CC2D2B: variants seen among roughly 807,000 people sequenced by gnomAD.
CC2D2B encodes protein CC2D2B.
A neutral mutation model predicts 161.2 loss-of-function variants in CC2D2B; 128 were observed. The ratio of observed to expected loss-of-function variants is 0.79; its 90% CI spans 0.69 to 0.92. The LOEUF is 0.92. Ranked by LOEUF, CC2D2B falls within the 40% of genes least tolerant of loss-of-function variation. The pLI is 0.00. For missense variants in CC2D2B, 1,173 were observed against 1,375.1 expected (o/e 0.85, Z 2.32); for synonymous variants, 391 against 449.8 (o/e 0.87, Z 1.65).
At chr10:95,982,682 T>C (rs1413737019) in intron 18 of CC2D2B, among the ~76,000 whole-genome samples, 1 of 152,220 alleles carries the variant, frequency 6.6e-6, no homozygotes, top group African/African-American at 2.4e-5. Context: ...TGCTTTCCTG[T>C]TAACCTTTCT....
At chr10:95,994,277 T>G (rs953257359) in intron 22 of CC2D2B, among the ~76,000 whole-genome samples, 9 of 151,878 alleles carry the variant, frequency 5.9e-5, no homozygotes, top group Non-Finnish European at 8.8e-5. Flanking sequence ...CCCTTCCCTT[T>G]TAGGTAGCCA....
intron 33 of CC2D2B, among the ~76,000 whole-genome samples, chr10:96,025,162 T>TATATATATAAAAAAA (rs2079652657): frequency 4.2e-4 from 3 of 7,106 alleles, no homozygotes; most frequent in South Asian, 4.0e-3. Context: ...AAAATATATA[T>TATATATATAAAAAAA]ATATATATAT....
At chr10:95,930,130 C>G (rs1178864847) in intron 6 of CC2D2B, among the ~76,000 whole-genome samples, 1 of 152,036 alleles carries the variant, frequency 6.6e-6, no homozygotes, top group African/African-American at 2.4e-5. Context: ...AAGTTGTATT[C>G]CTAGGTATTT....
chr10:95,980,098 AT>A (rs2077456257), intron 17 of CC2D2B, among the ~76,000 whole-genome samples: 1 of 151,472 alleles, frequency 6.6e-6, no homozygotes, highest in Non-Finnish European at 1.5e-5. Flanking sequence ...AGAGTTTCCC[AT>A]GCCTTTTATA....
intron 11 of CC2D2B, among the ~76,000 whole-genome samples, chr10:95,957,299 C>T (rs1157642282): frequency 6.6e-6 from 1 of 152,082 alleles, no homozygotes; most frequent in East Asian, 1.9e-4. Context: ...TGTTGCAAGC[C>T]CCTCTATCTC....
chr10:95,946,122 C>CT (rs1213397974), intron 9 of CC2D2B, among the ~76,000 whole-genome samples: 2 of 152,132 alleles, frequency 1.3e-5, no homozygotes. Context: ...TTGTTAAAGT[C>CT]TGTCTCCAGG....
intron 1 of CC2D2B, among the ~76,000 whole-genome samples, chr10:95,908,433 A>G (rs548364301): frequency 6.6e-6 from 1 of 152,368 alleles, no homozygotes; most frequent in African/African-American, 2.4e-5. Flanking sequence ...ATGAACTACA[A>G]ATGCTGTTGG....
At chr10:95,995,790 C>G (rs910183808) in intron 23 of CC2D2B, among the ~76,000 whole-genome samples, 1 of 152,224 alleles carries the variant, frequency 6.6e-6, no homozygotes, top group Non-Finnish European at 1.5e-5. Flanking sequence ...CCATGATGCT[C>G]TCCTTATTGT....
intron 28 of CC2D2B, among the ~76,000 whole-genome samples, 156 bp downstream of exon 28, chr10:96,012,885 CTT>C (rs955567754): frequency 1.6e-4 from 24 of 152,170 alleles, no homozygotes; most frequent in Admixed American, 1.4e-3. Flanking sequence ...TAGCTGGACT[CTT>C]TAAGCTAAAA....
intron 10 of CC2D2B, among the ~76,000 whole-genome samples, chr10:95,953,008 G>C (rs1039946805): frequency 6.6e-6 from 1 of 152,096 alleles, no homozygotes; most frequent in African/African-American, 2.4e-5. Flanking sequence ...AGGCAGGACA[G>C]AGCCCACTTC....
intron 17 of CC2D2B, among the ~76,000 whole-genome samples, chr10:95,974,912 T>C (rs1199261455): frequency 6.6e-6 from 1 of 152,212 alleles, no homozygotes; most frequent in East Asian, 1.9e-4. Flanking sequence ...AACATTATAA[T>C]GGTGGATACA....
chr10:95,957,898 A>G (rs1451539106), intron 11 of CC2D2B, among the ~76,000 whole-genome samples: 1 of 151,770 alleles, frequency 6.6e-6, no homozygotes, highest in East Asian at 1.9e-4. Flanking sequence ...AACAAAAAAC[A>G]GAAAGCCCTG....
intron 1 of CC2D2B, among the ~76,000 whole-genome samples, chr10:95,908,505 A>G (rs2098500104): frequency 6.6e-6 from 1 of 152,230 alleles, no homozygotes; most frequent in South Asian, 2.1e-4. Context: ...TCAGCCTTAG[A>G]AACACGGAAT....
chr10:95,923,776 A>T (rs1427359109), intron 3 of CC2D2B, among the ~76,000 whole-genome samples: 1 of 152,206 alleles, frequency 6.6e-6, no homozygotes, highest in Non-Finnish European at 1.5e-5. Context: ...GGACTTTGGG[A>T]GGCTGAGGTG....
chr10:95,971,057 C>T (rs2077110134), intron 15 of CC2D2B, among the ~76,000 whole-genome samples: 1 of 152,112 alleles, frequency 6.6e-6, no homozygotes, highest in South Asian at 2.1e-4. Flanking sequence ...CAAGCACTGA[C>T]AACACAGTAT....
Position 96,014,814 on chromosome 10 carries a change from C to G in CC2D2B, c.3516+937C>G, listed in dbSNP as rs575168990. On this transcript the variant is annotated intron_variant, in intron 29 of 34. Coordinates refer to ENST00000646931, the MANE Select transcript of CC2D2B (RefSeq NM_001349008.3). Reference sequence around the variant, plus strand: ...GACAATGAAGACTATTGTTATTCTGCCCTTAGCTCACCTGTTCACACTGTT... The same window carrying G: ...GACAATGAAGACTATTGTTATTCTGGCCTTAGCTCACCTGTTCACACTGTT... 7.9e-5 allele frequency among the ~76,000 whole-genome samples: 12 copies of G among 152,276 alleles called. No individual in the cohort carries two copies. The South Asian group carries it at 2.5e-3, about 32-fold the overall frequency.
chr10:95,912,386 C>T (rs1329480809), intron 2 of CC2D2B, among the ~76,000 whole-genome samples: 1 of 151,900 alleles, frequency 6.6e-6, no homozygotes, highest in Non-Finnish European at 1.5e-5. Context: ...CTAGAATTAC[C>T]AGAAGTCAGC....
At chr10:95,919,790 G>C (rs1442524537) in intron 2 of CC2D2B, 2 of 151,194 alleles carry the variant, frequency 1.3e-5, no homozygotes, top group Non-Finnish European at 2.9e-5. Context: ...AAATGCCATT[G>C]AAGTGCGAGG....
Position 96,033,076 on chromosome 10 carries a change from A to T in CC2D2B, c.*1068A>T, listed in dbSNP as rs960845774. On this transcript the variant is annotated 3_prime_UTR_variant, in exon 35 of 35. Transcript: ENST00000646931. Reference sequence around the variant, plus strand: ...TATCAAAAAGAAATAATCAAGGAGTATGGATTTCCAAAGGTTGACCAGAGC... The same window carrying T: ...TATCAAAAAGAAATAATCAAGGAGTTTGGATTTCCAAAGGTTGACCAGAGC... 1.3e-5 allele frequency among the ~76,000 whole-genome samples: 2 copies of T among 152,220 alleles called. No homozygotes were observed. The highest frequency in any genetic ancestry group is 4.8e-5 in the African/African-American group (2 of 41,460).
Sources: allele counts gnomAD v4.1 joint callset (sites outside exome capture counted in the v4.1 genomes callset), GRCh38; gene constraint gnomAD v4.1.1; transcripts MANE v1.5; gene names NCBI Gene and HGNC (gene_info 2026-07-23, HGNC 2026-07-21).